The following TUBD1 variants were observed in gnomAD, a reference collection of about 807,000 sequenced individuals.
The protein encoded by TUBD1 is tubulin delta chain.
In TUBD1, 38 loss-of-function variants were observed where a neutral mutation model predicts 51.2. The ratio of observed to expected loss-of-function variants is 0.74; its 90% CI spans 0.57 to 0.97. TUBD1 has a LOEUF of 0.97. Ranked by LOEUF, TUBD1 falls within the 50% of genes least tolerant of loss-of-function variation. TUBD1 has a pLI of 0.00. For missense variants in TUBD1, 489 were observed against 538.4 expected, an observed-to-expected ratio of 0.91 and a Z score of 0.91; for synonymous variants, 169 against 178.2, an observed-to-expected ratio of 0.95 and a Z score of 0.41.
chr17:59,867,486 T>A (rs1488140554), intron 6 of TUBD1, among the ~76,000 whole-genome samples: 1 of 151,976 alleles, frequency 6.6e-6, no homozygotes, highest in African/African-American at 2.4e-5. Flanking sequence ...GCTGGGAGGA[T>A]CTCTTGAGTC....
intron 6 of TUBD1, among the ~76,000 whole-genome samples, chr17:59,869,079 G>T (rs1057179136): frequency 6.6e-6 from 1 of 151,714 alleles, no homozygotes; most frequent in African/African-American, 2.4e-5. Context: ...TATAAAACTA[G>T]ATCCTTCAAC....
At chr17:59,865,709 A>G (rs568081665) in intron 7 of TUBD1, among the ~76,000 whole-genome samples, 37 of 152,350 alleles carry the variant, frequency 2.4e-4, no homozygotes, top group Non-Finnish European at 4.3e-4. Flanking sequence ...CTTCTTCCTT[A>G]GTATCAATTC....
intron 8 of TUBD1, among the ~76,000 whole-genome samples, chr17:59,862,714 A>ATT (rs71145582): frequency 0.026 from 1,476 of 56,912 alleles, 281 homozygotes; most frequent in African/African-American, 0.067. Flanking sequence ...TAATTTTTGT[A>ATT]TTTTTTTTTT....
intron 4 of TUBD1, among the ~76,000 whole-genome samples, chr17:59,880,250 G>T (rs1025543780): frequency 1.3e-4 from 20 of 148,414 alleles, no homozygotes; most frequent in African/African-American, 4.7e-4. Context: ...GTAGAAACGG[G>T]GTTTCACCAT....
chr17:59,862,381 CTTTG>C (rs2039493492), intron 8 of TUBD1, among the ~76,000 whole-genome samples: 1 of 151,386 alleles, frequency 6.6e-6, no homozygotes, highest in Non-Finnish European at 1.5e-5. Flanking sequence ...AAGAATTTTG[CTTTG>C]ACTTAAGTAA....
At chr17:59,868,794 G>A (rs2039840153) in intron 6 of TUBD1, among the ~76,000 whole-genome samples, 2 of 151,824 alleles carry the variant, frequency 1.3e-5, no homozygotes, top group Non-Finnish European at 2.9e-5. Flanking sequence ...CCAATATTGC[G>A]CCACTGCACT....
chr17:59,879,063 T>C (rs993514269), intron 4 of TUBD1, among the ~76,000 whole-genome samples: 4 of 151,952 alleles, frequency 2.6e-5, no homozygotes, highest in African/African-American at 9.7e-5. Context: ...TCACCTGATG[T>C]TGAGGGTTCA....
intron 6 of TUBD1, among the ~76,000 whole-genome samples, chr17:59,874,231 G>A (rs2040127216): frequency 6.7e-6 from 1 of 150,364 alleles, no homozygotes; most frequent in East Asian, 1.9e-4. Flanking sequence ...TTTAAATACA[G>A]TGCAATGTAT....
At chr17:59,875,185 T>C (rs561835575) in intron 5 of TUBD1, among the ~76,000 whole-genome samples, 2 of 148,254 alleles carry the variant, frequency 1.3e-5, no homozygotes, top group South Asian at 2.1e-4. Flanking sequence ...ATCAAGCGAT[T>C]CCCGTCTCAG....
At chr17:59,890,503 A>T (rs189773257) in intron 2 of TUBD1, among the ~76,000 whole-genome samples, 19 of 152,276 alleles carry the variant, frequency 1.2e-4, no homozygotes, top group Admixed American at 2.6e-4. Flanking sequence ...CGGCCTCTCA[A>T]AGTGCTGGGA....
At chr17:59,882,342 G>C (rs2040526571) in intron 3 of TUBD1, among the ~76,000 whole-genome samples, 1 of 151,972 alleles carries the variant, frequency 6.6e-6, no homozygotes, top group South Asian at 2.1e-4. Context: ...GGGGTGCAGT[G>C]GCACCATTTC....
At chr17:59,890,350 T>A (rs138010809) in intron 2 of TUBD1, among the ~76,000 whole-genome samples, 4,986 of 152,192 alleles carry the variant, frequency 0.033, 248 homozygotes, top group African/African-American at 0.11. Context: ...TTCAAGTGAT[T>A]CTCCTGCCTC....
At chr17:59,891,463 G>A (rs905415428) in intron 1 of TUBD1, among the ~76,000 whole-genome samples, 8 of 152,042 alleles carry the variant, frequency 5.3e-5, no homozygotes, top group African/African-American at 9.7e-5. Flanking sequence ...TGCCACATAC[G>A]TATATAATAT....
intron 6 of TUBD1, among the ~76,000 whole-genome samples, chr17:59,871,476 G>A (rs545487676): frequency 2.6e-5 from 4 of 152,252 alleles, no homozygotes; most frequent in East Asian, 1.9e-4. Flanking sequence ...GGGATTACAG[G>A]TGTGAGCCAC....
intron 6 of TUBD1, among the ~76,000 whole-genome samples, chr17:59,870,775 T>C (rs996033756): frequency 2.0e-5 from 3 of 152,156 alleles, no homozygotes; most frequent in Non-Finnish European, 4.4e-5. Flanking sequence ...AGCAATAAAA[T>C]GGCCAGGCAG....
intron 8 of TUBD1, among the ~76,000 whole-genome samples, chr17:59,862,058 T>G (rs2144410072): frequency 6.6e-6 from 1 of 150,762 alleles, no homozygotes; most frequent in African/African-American, 2.4e-5. Context: ...GCACAGTGGC[T>G]CACACTGGTA....
intron 6 of TUBD1, among the ~76,000 whole-genome samples, chr17:59,873,143 T>C (rs148846097): frequency 5.1e-4 from 78 of 152,270 alleles, no homozygotes; most frequent in African/African-American, 1.6e-3. Context: ...AAATTGTAGA[T>C]GAAATAGCTA....
chr17:59,876,909 A>G (rs1382497508), intron 5 of TUBD1, among the ~76,000 whole-genome samples: 1 of 150,754 alleles, frequency 6.6e-6, no homozygotes, highest in Non-Finnish European at 1.5e-5. Context: ...TCGCCCAGGC[A>G]GGAGTGCAGT....
chr17:59,891,882 C>T (rs1301451717), intron 1 of TUBD1: 1 of 151,930 alleles, frequency 6.6e-6, no homozygotes, highest in Admixed American at 6.6e-5. Context: ...GGAGGATCCC[C>T]TGAGCCTGGG....
Sources: gnomAD v4.1 joint callset for allele counts (sites outside exome capture counted in the v4.1 genomes callset) on GRCh38, gnomAD v4.1.1 for gene constraint, MANE v1.5 for transcripts, NCBI Gene and HGNC (gene_info 2026-07-23, HGNC 2026-07-21) for gene names.